The following GALNT1 variants were observed in gnomAD, a reference collection of about 807,000 sequenced individuals.
GALNT1 encodes polypeptide N-acetylgalactosaminyltransferase 1, also known as GalNAc transferase 1.
In GALNT1, 17 loss-of-function variants were observed where a neutral mutation model predicts 65.7. That is an observed-to-expected ratio of 0.26 (90% CI 0.18 to 0.39). The LOEUF is 0.39. Ranked by LOEUF, GALNT1 falls within the 10% of genes least tolerant of loss-of-function variation. GALNT1 has a pLI of 1.00. For missense variants in GALNT1, 460 were observed against 672.8 expected (o/e 0.68, Z 3.50); for synonymous variants, 210 against 219.7 (o/e 0.96, Z 0.39).
chr18:35,595,860 C>T (rs1487495959), intron 1 of GALNT1: 1 of 151,908 alleles, frequency 6.6e-6, no homozygotes, highest in African/African-American at 2.4e-5. Flanking sequence ...TGAGAGTTGC[C>T]TCAAAATTAT....
At chr18:35,603,507 C>T (rs1436962852) in intron 1 of GALNT1, among the ~76,000 whole-genome samples, 11 of 152,130 alleles carry the variant, frequency 7.2e-5, no homozygotes, top group Admixed American at 7.2e-4. Flanking sequence ...AACATCACTT[C>T]CTCTATACAT....
At chr18:35,610,188 G>A (rs564065738) in intron 1 of GALNT1, among the ~76,000 whole-genome samples, 11 of 152,268 alleles carry the variant, frequency 7.2e-5, no homozygotes, top group Admixed American at 7.2e-4. Flanking sequence ...TGAAGAGCAG[G>A]GCATGGGAAA....
intron 1 of GALNT1, among the ~76,000 whole-genome samples, chr18:35,603,335 C>T (rs1444327143): frequency 1.3e-5 from 2 of 152,100 alleles, no homozygotes; most frequent in African/African-American, 4.8e-5. Context: ...AAGTCTGTTT[C>T]TCTTACTGTC....
At chr18:35,701,851 G>A in intron 9 of GALNT1, among the ~76,000 whole-genome samples, 1 of 152,282 alleles carries the variant, frequency 6.6e-6, no homozygotes, top group Non-Finnish European at 1.5e-5. Context: ...TGGTGGAATA[G>A]CAAGATGGAT....
rs992461905 is a variant in GALNT1 at position 35,709,875 on chromosome 18, C to G, written c.*105C>G. 57 of 1,291,294 alleles carry G rather than the reference C, an allele frequency of 4.4e-5. No homozygotes were observed. The highest frequency in any genetic ancestry group is 7.5e-5 in the African/African-American group (5 of 67,104). 80.0% of individuals were successfully genotyped at this position (1,291,294 alleles called of 1,614,324 possible). On this transcript the variant is annotated 3_prime_UTR_variant, in exon 12 of 12. Transcript: ENST00000269195. The stretch of plus-strand genomic sequence containing the variant: ...GCAAAAAAGGAAAAGTGCTTTCCTC[C>G]TCTGCAGGATGTAAGGTTTATCAGC...
intron 1 of GALNT1, among the ~76,000 whole-genome samples, chr18:35,643,809 G>GAA (rs756158402): frequency 6.9e-6 from 1 of 145,308 alleles, no homozygotes; most frequent in East Asian, 2.0e-4. Context: ...AAAAAAAAAA[G>GAA]AAAAAAAAAC....
chr18:35,674,455 G>T (rs1379181666), intron 3 of GALNT1, among the ~76,000 whole-genome samples: 1 of 152,158 alleles, frequency 6.6e-6, no homozygotes. Context: ...CGCACAGTAT[G>T]AGGGAGAGGA....
At chr18:35,581,521 G>A (rs2046313224), upstream of GALNT1, among the ~76,000 whole-genome samples, 1 of 28,178 alleles carries the variant, frequency 3.5e-5, no homozygotes, top group African/African-American at 1.5e-4. Flanking sequence ...GGAGGACCGC[G>A]CCCGAGCGCC....
At chr18:35,613,861 A>T (rs992109111) in intron 1 of GALNT1, among the ~76,000 whole-genome samples, 7 of 146,782 alleles carry the variant, frequency 4.8e-5, no homozygotes, top group Non-Finnish European at 1.0e-4. Context: ...AGTTCATACT[A>T]CCTTAATGGT....
intron 3 of GALNT1, among the ~76,000 whole-genome samples, chr18:35,671,102 G>C (rs563970961): frequency 1.3e-5 from 2 of 151,860 alleles, no homozygotes; most frequent in East Asian, 3.9e-4. Flanking sequence ...TAGATGGCTG[G>C]ACTTTTTTTT....
chr18:35,597,536 G>A (rs1213492587), intron 1 of GALNT1: 1 of 152,286 alleles, frequency 6.6e-6, no homozygotes, highest in East Asian at 1.9e-4. Flanking sequence ...TTTGTATTGT[G>A]TCTGATATTG....
chr18:35,639,626 T>G (rs544073545), intron 1 of GALNT1, among the ~76,000 whole-genome samples: 1 of 152,318 alleles, frequency 6.6e-6, no homozygotes, highest in South Asian at 2.1e-4. Flanking sequence ...TGCTATGCAT[T>G]TATTTTAGTA....
At chr18:35,630,206 A>G (rs2046986999) in intron 1 of GALNT1, among the ~76,000 whole-genome samples, 2 of 152,312 alleles carry the variant, frequency 1.3e-5, no homozygotes, top group Middle Eastern at 3.4e-3. Flanking sequence ...AGTGGACCTA[A>G]TAGACATCTA....
At chr18:35,664,761 TAGGTAGAG>T (rs1322263995) in intron 3 of GALNT1, among the ~76,000 whole-genome samples, 1 of 151,898 alleles carries the variant, frequency 6.6e-6, no homozygotes, top group East Asian at 1.9e-4. Flanking sequence ...ATACAGAAAA[TAGGTAGAG>T]TAAGTGAACA....
chr18:35,668,458 A>G (rs1447703622), intron 3 of GALNT1, among the ~76,000 whole-genome samples: 1 of 152,188 alleles, frequency 6.6e-6, no homozygotes, highest in Non-Finnish European at 1.5e-5. Context: ...AACAAAATCA[A>G]AAAACGCTCT....
At chr18:35,597,934 T>G (rs897301286) in intron 1 of GALNT1, among the ~76,000 whole-genome samples, 1 of 150,458 alleles carries the variant, frequency 6.6e-6, no homozygotes, top group Non-Finnish European at 1.5e-5. Context: ...ATACAATATA[T>G]CATTGTTAAC....
intron 1 of GALNT1, among the ~76,000 whole-genome samples, chr18:35,598,139 G>A (rs2046530889): frequency 6.6e-6 from 1 of 150,486 alleles, no homozygotes; most frequent in Non-Finnish European, 1.5e-5. Context: ...GGATTCAAGC[G>A]ATTCTCCTGC....
chr18:35,708,659 A>G (rs987552116), intron 11 of GALNT1, among the ~76,000 whole-genome samples: 2 of 152,238 alleles, frequency 1.3e-5, no homozygotes, highest in African/African-American at 4.8e-5. Flanking sequence ...AGTCCTTAAC[A>G]TGACCAGAGC....
At chr18:35,608,941 C>T (rs1469182094) in intron 1 of GALNT1, among the ~76,000 whole-genome samples, 1 of 152,146 alleles carries the variant, frequency 6.6e-6, no homozygotes, top group Non-Finnish European at 1.5e-5. Context: ...CCAGTTCTTC[C>T]TTATTAGTGA....
Sources: gnomAD v4.1 joint callset for allele counts (sites outside exome capture counted in the v4.1 genomes callset) on GRCh38, gnomAD v4.1.1 for gene constraint, MANE v1.5 for transcripts, NCBI Gene and HGNC (gene_info 2026-07-23, HGNC 2026-07-21) for gene names.